The following MCF2L variants were observed in gnomAD, a reference collection of about 807,000 sequenced individuals.
The protein encoded by MCF2L is MCF.2 cell line derived transforming sequence like.
MCF2L carries 97 observed loss-of-function variants against 153.4 expected under a neutral mutation model. The ratio of observed to expected loss-of-function variants is 0.63; its 90% CI spans 0.54 to 0.75. MCF2L has a LOEUF of 0.75. Among genes scored for constraint, MCF2L ranks in the 30% least tolerant of loss-of-function variants. The pLI is 0.00. For missense variants in MCF2L, 1,347 were observed against 1,495.2 expected, an observed-to-expected ratio of 0.90 and a Z score of 1.64; for synonymous variants, 659 against 632.2, an observed-to-expected ratio of 1.04 and a Z score of -0.64.
At chr13:113,026,768 C>CA in intron 3 of MCF2L, 1 of 599,728 alleles carries the variant, frequency 1.7e-6, no homozygotes, top group African/African-American at 1.9e-5. Context: ...ATCCAGTTAA[C>CA]AAAAATGGTT....
chr13:113,017,483 C>A (rs757404002), intron 2 of MCF2L, among the ~76,000 whole-genome samples: 3 of 152,216 alleles, frequency 2.0e-5, no homozygotes, highest in Non-Finnish European at 4.4e-5. Flanking sequence ...ATGGTCTCAC[C>A]CTGAAAACTT....
chr13:113,065,534 G>A (rs2032233456), intron 7 of MCF2L, among the ~76,000 whole-genome samples: 2 of 152,256 alleles, frequency 1.3e-5, no homozygotes, highest in Non-Finnish European at 2.9e-5. Flanking sequence ...TGGAATTCCT[G>A]TTTGCAGAAC....
chr13:112,916,276 C>T (rs185028827), intron 2 of MCF2L, among the ~76,000 whole-genome samples: 20 of 150,936 alleles, frequency 1.3e-4, no homozygotes, highest in Middle Eastern at 3.4e-3. Flanking sequence ...ATTAGGTTAG[C>T]GGATAGTTTA....
chr13:113,026,753 A>G, intron 3 of MCF2L: 1 of 599,130 alleles, frequency 1.7e-6, no homozygotes, highest in Non-Finnish European at 3.0e-6. Context: ...CAGAGGTACC[A>G]GAAAATCCAG....
At chr13:113,057,806 G>A (rs1451564118) in intron 4 of MCF2L, among the ~76,000 whole-genome samples, 1 of 150,038 alleles carries the variant, frequency 6.7e-6, no homozygotes, top group South Asian at 2.1e-4. Flanking sequence ...TGTGTGTTTG[G>A]GTGCTGAGTG....
rs144288446 is a variant in MCF2L, at chr13:112,946,438, T to C, written c.169+44067T>C. Among the ~76,000 whole-genome samples, 183 of 152,356 alleles carry C rather than the reference T, an allele frequency of 1.2e-3. 3 individuals carry two copies. In the East Asian group the frequency reaches 0.022, roughly 18 times the overall value. ...CTATATTGAAGTACATGCCTTACTA[T>C]AGGAAATTAAACATTGTACAAATGG... On this transcript the variant is annotated intron_variant, in intron 2 of 29. Coordinates refer to the MCF2L transcript ENST00000375608.
rs1351395301 is a variant in MCF2L, at chr13:113,074,418, C to T, written c.997-26C>T. On this transcript the variant is annotated intron_variant, in intron 9 of 29. Transcript: ENST00000535094. The surrounding 1 kb of genome is among the most constrained non-coding windows in gnomAD (Gnocchi z 4.2). ...CTGTTCAGGTGAGGGAGACACCCCC[C>T]TGAGATGGGCCCTCCTCTGTTCCAG... The T allele has an allele frequency of 6.2e-7, 1 of 1,604,226 alleles. No homozygotes were observed. The highest frequency in any genetic ancestry group is 2.2e-5 in the East Asian group (1 of 44,604).
intron 2 of MCF2L, among the ~76,000 whole-genome samples, chr13:112,936,320 C>T (rs959990484): frequency 3.4e-5 from 5 of 148,034 alleles, no homozygotes; most frequent in African/African-American, 1.2e-4. Context: ...GTCCTGCCAA[C>T]ACCTTGACCT....
intron 2 of MCF2L, among the ~76,000 whole-genome samples, chr13:112,925,148 G>A (rs2081389886): frequency 1.3e-5 from 2 of 152,192 alleles, no homozygotes; most frequent in South Asian, 4.1e-4. Flanking sequence ...TGAGAATGTG[G>A]TTGGCATCAT....
chr13:112,979,558 A>G, intron 1 of MCF2L: 1 of 1,555,384 alleles, frequency 6.4e-7, no homozygotes, highest in South Asian at 1.2e-5. Context: ...TAGCTGTCGC[A>G]GCAGAGACCC....
chr13:113,017,332 G>A (rs1026757748), intron 2 of MCF2L, among the ~76,000 whole-genome samples: 8 of 152,180 alleles, frequency 5.3e-5, no homozygotes, highest in Non-Finnish European at 1.2e-4. Context: ...CTTTGGGGAC[G>A]CAGGTGTTCC....
intron 1 of MCF2L, among the ~76,000 whole-genome samples, chr13:112,971,178 T>G (rs2140823157): frequency 6.6e-6 from 1 of 152,316 alleles, no homozygotes; most frequent in South Asian, 2.1e-4. Flanking sequence ...GATGCAGTAT[T>G]GACATGATGC....
intron 1 of MCF2L, among the ~76,000 whole-genome samples, chr13:112,897,152 G>A (rs2081075254): frequency 6.6e-6 from 1 of 152,170 alleles, no homozygotes; most frequent in Non-Finnish European, 1.5e-5. Context: ...GACTCACATG[G>A]CCTGTTCATG....
intron 2 of MCF2L, chr13:112,917,038 C>G (rs1309680099): frequency 1.7e-5 from 8 of 470,208 alleles, no homozygotes; most frequent in Non-Finnish European, 3.5e-5. Flanking sequence ...TCTGAGTTCT[C>G]CCCGGATTCC....
chr13:113,078,412 G>A lies in MCF2L; in HGVS notation c.1710G>A (p.Arg570=). 1 of 1,612,714 alleles carries A rather than the reference G, an allele frequency of 6.2e-7. No homozygotes were observed. The highest frequency in any genetic ancestry group is 2.2e-5 in the East Asian group (1 of 44,874). The change falls in exon 14 of 30, where the codon CGG becomes CGA. Residue 570 remains arginine, a synonymous_variant. Transcript: ENST00000535094. ...ENSSSEGGAL[R]RGPYRRAKSE... The stretch of plus-strand genomic sequence containing the variant: ...CCAGCTCCGAGGGCGGTGCGCTCCG[G>A]AGAGGGCCCTACCGGAGGGCCAAGG...
rs3011512 is a variant in MCF2L, at chr13:113,027,086, G to A, written c.278+2328G>A. On this transcript the variant is annotated intron_variant, in intron 3 of 29. Coordinates refer to ENST00000535094, the MANE Select transcript of MCF2L (RefSeq NM_001112732.3). The surrounding 1 kb of genome is among the most constrained non-coding windows in gnomAD (Gnocchi z 4.8). ...TCCTTAAATATGGCATCTGTATCCC[G>A]CACATTACATAAGGTGGCAAAACAC... 3.2e-5 allele frequency: 24 copies of A among 747,424 alleles called. No individual in the cohort carries two copies. Among genetic ancestry groups the A allele is most frequent in the South Asian group, 8.5e-5 (6 of 70,678 alleles). 46.3% of individuals were successfully genotyped at this position (747,424 alleles called of 1,614,324 possible).
intron 2 of MCF2L, among the ~76,000 whole-genome samples, chr13:112,922,153 G>A (rs907588783): frequency 6.6e-6 from 1 of 152,170 alleles, no homozygotes; most frequent in African/African-American, 2.4e-5. Context: ...AGTCGACTTT[G>A]TACAACCAAA....
chr13:113,096,671 C>T lies in MCF2L; in HGVS notation c.3292+18C>T. ...CAGCTCAGGTAAGGCCCACGTGCCC[C>T]GAGCCCACCCGTGACGCTGCCAAGG... On this transcript the variant is annotated intron_variant, in intron 29 of 29. Coordinates refer to ENST00000535094, the MANE Select transcript of MCF2L (RefSeq NM_001112732.3). The T allele has an allele frequency of 6.4e-7, 1 of 1,570,492 alleles. No individual in the cohort carries two copies. Among genetic ancestry groups the T allele is most frequent in the East Asian group, 2.3e-5 (1 of 43,114 alleles).
At chr13:113,020,011 C>A (rs112495612) in intron 2 of MCF2L, among the ~76,000 whole-genome samples, 1 of 152,044 alleles carries the variant, frequency 6.6e-6, no homozygotes, top group African/African-American at 2.4e-5. Context: ...TGTGAAAATG[C>A]GAGCCATAAA....
Sources: allele counts gnomAD v4.1 joint callset (sites outside exome capture counted in the v4.1 genomes callset), GRCh38; gene constraint gnomAD v4.1.1; non-coding constraint Gnocchi (gnomAD v3.1); transcripts MANE v1.5; gene names NCBI Gene and HGNC (gene_info 2026-07-23, HGNC 2026-07-21).